JARID2: variants seen among roughly 807,000 people sequenced by gnomAD.
The protein encoded by JARID2 is jumonji and AT-rich interaction domain containing 2.
In JARID2, 21 loss-of-function variants were observed where a neutral mutation model predicts 125.6. That is an observed-to-expected ratio of 0.17 (90% CI 0.12 to 0.24). The LOEUF is 0.24. Ranked by LOEUF, JARID2 falls within the 10% of genes least tolerant of loss-of-function variation. The pLI is 1.00. For synonymous variants in JARID2, 736 were observed against 661.6 expected, an observed-to-expected ratio of 1.11 and a Z score of -1.73; for missense variants, 1,303 against 1,639.6, an observed-to-expected ratio of 0.79 and a Z score of 3.55.
intron 1 of JARID2, among the ~76,000 whole-genome samples, chr6:15,339,362 CA>C (rs1192201449): frequency 9.1e-4 from 139 of 152,152 alleles, no homozygotes; most frequent in Non-Finnish European, 1.5e-4. Context: ...CCCCTGATAT[CA>C]GGAGGAAGTT....
At chr6:15,438,945 T>C (rs1267035871) in intron 3 of JARID2, among the ~76,000 whole-genome samples, 1 of 150,790 alleles carries the variant, frequency 6.6e-6, no homozygotes, top group Non-Finnish European at 1.5e-5. Flanking sequence ...GGCAAGAGAA[T>C]CGCTTCAACC....
chr6:15,513,406 T>C lies in JARID2; in HGVS notation c.3434T>C (p.Leu1145Pro). 1 of 1,607,282 alleles carries C rather than the reference T, an allele frequency of 6.2e-7. No homozygotes were observed. Among genetic ancestry groups the C allele is most frequent in the Non-Finnish European group, 8.5e-7 (1 of 1,175,868 alleles). ...SERRCQICQHLCYLSMVVQEN... is the reference protein window; with the variant it reads ...SERRCQICQHPCYLSMVVQEN... ...AGGAGGTGTCAGATCTGCCAGCACC[T>C]GTGCTACCTGTCCATGGTGAGCCCG... Residue 1145 changes from leucine to proline, a missense_variant, in exon 16 of 18, where the codon CTG (leucine) becomes CCG (proline). Leu to Pro is a moderately conservative substitution (Grantham distance 98). Transcript: ENST00000341776.
chr6:15,391,982 A>G (rs553114662), intron 2 of JARID2, among the ~76,000 whole-genome samples: 1 of 151,952 alleles, frequency 6.6e-6, no homozygotes, highest in South Asian at 2.1e-4. Context: ...TGTGCCCTTC[A>G]TGGCTACTGA....
chr6:15,391,085 A>G (rs558648421), intron 2 of JARID2, among the ~76,000 whole-genome samples: 9 of 152,164 alleles, frequency 5.9e-5, no homozygotes, highest in Non-Finnish European at 1.3e-4. Flanking sequence ...GTGACTTCCT[A>G]TTTGTGCTGT....
At chr6:15,421,704 A>T (rs548368592) in intron 3 of JARID2, among the ~76,000 whole-genome samples, 1 of 152,286 alleles carries the variant, frequency 6.6e-6, no homozygotes, top group South Asian at 2.1e-4. Context: ...TAGGATTTGG[A>T]TCTAAGCTTT....
In JARID2 at chr6:15,293,925, A is replaced by G. The variant is rs532288329; in HGVS notation, c.45+47341A>G. On this transcript the variant is annotated intron_variant, in intron 1 of 17. Transcript: ENST00000341776. ...GGGACCTGCTGGTCACAGGGCACCA[A>G]TGCCTGCTCCGGAAGTTGATCTTTC... Among the ~76,000 whole-genome samples the G allele has an allele frequency of 3.5e-4, 54 of 152,338 alleles. No individual in the cohort carries two copies. In the East Asian group the frequency reaches 4.2e-3, roughly 12 times the overall value.
chr6:15,507,094 G>A (rs752526152), intron 9 of JARID2, 42 bp from the exon 10 acceptor site: 1 of 1,292,208 alleles, frequency 7.7e-7, no homozygotes. Context: ...TGTGGCTGCA[G>A]CACCTTAGGG....
Position 15,378,666 on chromosome 6 carries a change from G to A in JARID2, c.181+4414G>A, listed in dbSNP as rs541110737. ...GAATCCAGTACTTTTTTGCAAGACA[G>A]AATGCATGAAAACTACATTGGATCT... is the stretch of plus-strand genomic sequence containing the variant. On this transcript the variant is annotated intron_variant, in intron 2 of 17. Transcript: ENST00000341776. Among the ~76,000 whole-genome samples, 5 of 152,258 alleles carry A rather than the reference G, an allele frequency of 3.3e-5. No homozygotes were observed. In the East Asian group the frequency reaches 9.6e-4, roughly 29 times the overall value.
intron 7 of JARID2, among the ~76,000 whole-genome samples, chr6:15,498,662 A>C (rs1205021293): frequency 6.6e-6 from 1 of 152,228 alleles, no homozygotes; most frequent in Non-Finnish European, 1.5e-5. Context: ...TCCAGGCAGG[A>C]TGGAGGTTTC....
At chr6:15,434,039 T>C (rs564196752) in intron 3 of JARID2, among the ~76,000 whole-genome samples, 1 of 152,054 alleles carries the variant, frequency 6.6e-6, no homozygotes, top group South Asian at 2.1e-4. Context: ...TTCACATGTT[T>C]CAGCTTGGCA....
chr6:15,452,234 C>T lies in JARID2; in HGVS notation c.493+59C>T. 3.1e-6 allele frequency: 5 copies of T among 1,589,288 alleles called. 1 individual carries two copies. The South Asian group carries it at 5.7e-5, about 18-fold the overall frequency. Reference sequence around the variant, plus strand: ...TGGAATCTACATGTAAGCCTGAGGTCTACGTGGAGTAACCTTAGCTTTACT... The same window carrying T: ...TGGAATCTACATGTAAGCCTGAGGTTTACGTGGAGTAACCTTAGCTTTACT... On this transcript the variant is annotated intron_variant, in intron 4 of 17. Transcript: ENST00000341776.
At chr6:15,413,002 G>GGTTTTTTTTTTTTTTTTTTTTTTTTTT (rs1765951845) in intron 3 of JARID2, among the ~76,000 whole-genome samples, 1 of 46,532 alleles carries the variant, frequency 2.1e-5, no homozygotes, top group African/African-American at 9.3e-5. Context: ...AAGAGCTTGT[G>GGTTTTTTTTTTTTTTTTTTTTTTTTTT]TTTTTGTTTT....
At chr6:15,498,883 C>T (rs1005590701) in intron 7 of JARID2, among the ~76,000 whole-genome samples, 11 of 152,218 alleles carry the variant, frequency 7.2e-5, no homozygotes, top group East Asian at 1.9e-4. Flanking sequence ...GTGATGGAAC[C>T]GCACCAAGTC....
chr6:15,495,014 G>C (rs1164643001), intron 6 of JARID2, among the ~76,000 whole-genome samples: 2 of 152,194 alleles, frequency 1.3e-5, no homozygotes, highest in Admixed American at 6.5e-5. Flanking sequence ...CTTTGGAGAT[G>C]GTGGTGGTTA....
chr6:15,340,937 C>T (rs1449803051), intron 1 of JARID2, among the ~76,000 whole-genome samples: 4 of 152,170 alleles, frequency 2.6e-5, no homozygotes, highest in Non-Finnish European at 4.4e-5. Context: ...GTAATTTAAA[C>T]CTGGTCAAAG....
intron 4 of JARID2, among the ~76,000 whole-genome samples, chr6:15,456,491 T>C (rs904681913): frequency 6.6e-6 from 1 of 152,230 alleles, no homozygotes; most frequent in African/African-American, 2.4e-5. Flanking sequence ...TGTTATTTGT[T>C]TTTCTGTTCG....
intron 1 of JARID2, among the ~76,000 whole-genome samples, chr6:15,271,335 C>T (rs774445644): frequency 6.6e-6 from 1 of 152,166 alleles, no homozygotes; most frequent in Admixed American, 6.5e-5. Flanking sequence ...ATTCTGCATT[C>T]TAACAAACTC....
Position 15,512,215 on chromosome 6 carries a change from C to T in JARID2, c.2960C>T (p.Pro987Leu), listed in dbSNP as rs970472858. ...QMLESNVMIS[P>L]EVLCKEGIKV... is the part of the protein sequence containing the mutation. ...CTGGCCCTGTCTCCCCAGATCTCCC[C>T]GGAGGTGCTGTGCAAAGAGGGGATC... Residue 987 changes from proline (P) to leucine (L), a missense_variant, in exon 14 of 18, where the codon CCG (proline) becomes CTG (leucine). Physicochemically the swap from Pro to Leu is moderately conservative, Grantham distance 98. Coordinates refer to ENST00000341776, the MANE Select transcript of JARID2 (RefSeq NM_004973.4). 1.2e-6 allele frequency: 2 copies of T among 1,613,842 alleles called. No homozygotes were observed. Among genetic ancestry groups the T allele is most frequent in the Non-Finnish European group, 8.5e-7 (1 of 1,179,836 alleles).
intron 2 of JARID2, among the ~76,000 whole-genome samples, chr6:15,379,430 T>C (rs1029953351): frequency 7.2e-5 from 11 of 152,210 alleles, no homozygotes; most frequent in Non-Finnish European, 1.6e-4. Context: ...TTGAGGGCCC[T>C]TGGCCTGCTG....
Sources: gnomAD v4.1 joint callset for allele counts (sites outside exome capture counted in the v4.1 genomes callset) on GRCh38, gnomAD v4.1.1 for gene constraint, MANE v1.5 for transcripts, NCBI Gene and HGNC (gene_info 2026-07-23, HGNC 2026-07-21) for gene names.